ZFAND3: variants seen among roughly 807,000 people sequenced by gnomAD.
The protein encoded by ZFAND3 is AN1-type zinc finger protein 3.
ZFAND3 carries 10 observed loss-of-function variants against 29.6 expected under a neutral mutation model. The observed-to-expected ratio is 0.34, with a 90% CI of 0.21 to 0.57. The LOEUF (loss-of-function observed/expected upper bound fraction) is 0.57. Among genes scored for constraint, ZFAND3 ranks in the 20% least tolerant of loss-of-function variants. The pLI is 0.86. For missense variants in ZFAND3, 230 were observed against 304.5 expected (o/e 0.76, Z 1.82); for synonymous variants, 128 against 112.6 (o/e 1.14, Z -0.87).
At chr6:37,902,882 A>G (rs918895264) in intron 1 of ZFAND3, among the ~76,000 whole-genome samples, 1 of 151,776 alleles carries the variant, frequency 6.6e-6, no homozygotes, top group Non-Finnish European at 1.5e-5. Context: ...TGCACTGGCC[A>G]TGTCCCATTT....
chr6:38,053,683 A>C (rs1238167747), intron 2 of ZFAND3, among the ~76,000 whole-genome samples: 4 of 152,178 alleles, frequency 2.6e-5, no homozygotes, highest in Non-Finnish European at 5.9e-5. Context: ...TGGATGGCAG[A>C]GTGAGACTCT....
chr6:37,926,740 C>T (rs1329654556), intron 1 of ZFAND3, among the ~76,000 whole-genome samples: 2 of 152,282 alleles, frequency 1.3e-5, no homozygotes, highest in East Asian at 3.9e-4. Context: ...TTTCACTGCT[C>T]CAGTGAAACT....
chr6:38,126,184 A>T (rs1765631453), intron 5 of ZFAND3, among the ~76,000 whole-genome samples: 1 of 152,240 alleles, frequency 6.6e-6, no homozygotes, highest in Non-Finnish European at 1.5e-5. Flanking sequence ...CAGTGGATTC[A>T]TACCTACATA....
intron 1 of ZFAND3, among the ~76,000 whole-genome samples, chr6:37,883,415 C>A (rs12213835): frequency 0.29 from 43,575 of 152,116 alleles, 7,152 homozygotes; most frequent in Non-Finnish European, 0.38. Flanking sequence ...CCCCCACCCC[C>A]TACCCTTCGC....
intron 1 of ZFAND3, among the ~76,000 whole-genome samples, chr6:37,828,642 T>C (rs1270800514): frequency 7.3e-6 from 1 of 136,162 alleles, no homozygotes; most frequent in Admixed American, 7.5e-5. Context: ...GCATGGATGG[T>C]ATTATTTTCT....
At chr6:37,983,966 C>A (rs575754057) in intron 2 of ZFAND3, among the ~76,000 whole-genome samples, 1 of 152,262 alleles carries the variant, frequency 6.6e-6, no homozygotes, top group South Asian at 2.1e-4. Flanking sequence ...ATGAAAAAAG[C>A]TGAAGGATAA....
At chr6:37,821,781 A>G (rs1763671943) in intron 1 of ZFAND3, among the ~76,000 whole-genome samples, 1 of 152,240 alleles carries the variant, frequency 6.6e-6, no homozygotes, top group African/African-American at 2.4e-5. Context: ...TCTTTATCGA[A>G]AGACTTATAT....
chr6:38,042,313 CTTTTT>C (rs35136153), intron 2 of ZFAND3, among the ~76,000 whole-genome samples: 1 of 91,910 alleles, frequency 1.1e-5, no homozygotes, highest in Admixed American at 1.2e-4. Context: ...CTTGAGCTTG[CTTTTT>C]TTTTTTTTTT....
At chr6:37,834,935 G>A (rs1207252363) in intron 1 of ZFAND3, among the ~76,000 whole-genome samples, 1 of 151,016 alleles carries the variant, frequency 6.6e-6, no homozygotes, top group East Asian at 1.9e-4. Context: ...TGAGAGTTCC[G>A]GTTAGTCCAC....
At chr6:38,128,028 C>T (rs1001864440) in intron 5 of ZFAND3, among the ~76,000 whole-genome samples, 18 of 152,326 alleles carry the variant, frequency 1.2e-4, no homozygotes, top group African/African-American at 4.3e-4. Context: ...GTTAGTTCAG[C>T]CTCTAAAACC....
intron 3 of ZFAND3, among the ~76,000 whole-genome samples, chr6:38,063,181 G>C (rs929810340): frequency 6.6e-6 from 1 of 152,092 alleles, no homozygotes; most frequent in African/African-American, 2.4e-5. Flanking sequence ...TACTAACTTT[G>C]GAAAGGTTAG....
At chr6:38,076,420 T>G (rs1764554565) in intron 3 of ZFAND3, among the ~76,000 whole-genome samples, 1 of 152,152 alleles carries the variant, frequency 6.6e-6, no homozygotes, top group Admixed American at 6.5e-5. Flanking sequence ...TGCCTGTAAT[T>G]GTTTAGGGGA....
intron 1 of ZFAND3, among the ~76,000 whole-genome samples, chr6:37,882,524 C>A (rs1764915136): frequency 6.6e-6 from 1 of 152,180 alleles, no homozygotes; most frequent in Admixed American, 6.5e-5. Context: ...CACACTGCTG[C>A]TATACTTCCC....
At chr6:38,030,977 G>T (rs1763548367) in intron 2 of ZFAND3, among the ~76,000 whole-genome samples, 1 of 152,126 alleles carries the variant, frequency 6.6e-6, no homozygotes, top group African/African-American at 2.4e-5. Context: ...GCAATAAATG[G>T]TGCAAAAGCT....
intron 1 of ZFAND3, among the ~76,000 whole-genome samples, chr6:37,907,137 C>G (rs906251916): frequency 4.6e-5 from 7 of 151,982 alleles, no homozygotes; most frequent in African/African-American, 1.7e-4. Context: ...TCTCTGTCTG[C>G]ACTAACAAAT....
intron 3 of ZFAND3, among the ~76,000 whole-genome samples, chr6:38,076,367 T>C (rs1171655764): frequency 6.6e-6 from 1 of 152,184 alleles, no homozygotes; most frequent in Non-Finnish European, 1.5e-5. Flanking sequence ...ATATTTGCTT[T>C]ATTACAGTGG....
intron 1 of ZFAND3, among the ~76,000 whole-genome samples, chr6:37,835,492 T>A (rs989959261): frequency 6.6e-6 from 1 of 151,352 alleles, no homozygotes; most frequent in Non-Finnish European, 1.5e-5. Flanking sequence ...TTAAATGTAT[T>A]CTGGATGAGT....
At chr6:37,951,938 T>TA (rs1169695509) in intron 2 of ZFAND3, among the ~76,000 whole-genome samples, 3 of 152,240 alleles carry the variant, frequency 2.0e-5, no homozygotes, top group African/African-American at 7.2e-5. Context: ...TTGAGACTGT[T>TA]AAGATGCATT....
At chr6:37,910,867 T>A (rs963145751) in intron 1 of ZFAND3, among the ~76,000 whole-genome samples, 1 of 152,228 alleles carries the variant, frequency 6.6e-6, no homozygotes, top group Admixed American at 6.5e-5. Context: ...TTTTTACAAA[T>A]GAAAGAATTT....
Sources: allele counts gnomAD v4.1 joint callset (sites outside exome capture counted in the v4.1 genomes callset), GRCh38; gene constraint gnomAD v4.1.1; transcripts MANE v1.5; gene names NCBI Gene and HGNC (gene_info 2026-07-23, HGNC 2026-07-21).